Variants in FHIT observed in about 807,000 individuals in gnomAD.
The protein encoded by FHIT is fragile histidine triad diadenosine triphosphatase.
FHIT carries 19 observed loss-of-function variants against 17.9 expected under a neutral mutation model. That is an observed-to-expected ratio of 1.06 (90% CI 0.74 to 1.56). The LOEUF is 1.56. FHIT is among the 40% of genes most tolerant of loss of function. The probability of loss-of-function intolerance (pLI) is 0.00; values close to 1 mark genes in which losing one functional copy is unlikely to be tolerated. For synonymous variants in FHIT, 81 were observed against 69.7 expected (o/e 1.16, Z -0.81); for missense variants, 248 against 189.2 (o/e 1.31, Z -1.82).
intron 4 of FHIT, among the ~76,000 whole-genome samples, chr3:60,626,167 T>G (rs1189921233): frequency 6.6e-6 from 1 of 152,160 alleles, no homozygotes; most frequent in Non-Finnish European, 1.5e-5. Context: ...ATCCTCCAAG[T>G]TCGCACTTTT....
intron 5 of FHIT, among the ~76,000 whole-genome samples, chr3:60,119,625 TA>T (rs941530898): frequency 2.0e-5 from 3 of 152,120 alleles, no homozygotes; most frequent in African/African-American, 7.2e-5. Context: ...TCGTGTCGGG[TA>T]AGGAAATCAA....
chr3:59,933,570 G>A (rs1049703558), intron 7 of FHIT, among the ~76,000 whole-genome samples: 2 of 152,140 alleles, frequency 1.3e-5, no homozygotes, highest in Non-Finnish European at 2.9e-5. Flanking sequence ...TTCTAAGTCA[G>A]GTTGATAGGA....
At chr3:60,770,431 C>T (rs1212013742) in intron 4 of FHIT, among the ~76,000 whole-genome samples, 3 of 152,144 alleles carry the variant, frequency 2.0e-5, no homozygotes, top group African/African-American at 7.2e-5. Flanking sequence ...TTTCAGAAAA[C>T]TCATATCCTT....
At chr3:60,669,909 T>G (rs2107840547) in intron 4 of FHIT, among the ~76,000 whole-genome samples, 1 of 152,332 alleles carries the variant, frequency 6.6e-6, no homozygotes, top group Admixed American at 6.5e-5. Flanking sequence ...GACCTCCCAT[T>G]TAACCATTGT....
intron 5 of FHIT, among the ~76,000 whole-genome samples, chr3:60,126,052 G>A (rs1192856577): frequency 6.6e-6 from 1 of 152,044 alleles, no homozygotes; most frequent in Non-Finnish European, 1.5e-5. Flanking sequence ...CTGCAAGTTG[G>A]CCAGTGAGGG....
At chr3:60,284,250 G>A (rs573183784) in intron 5 of FHIT, among the ~76,000 whole-genome samples, 4 of 152,142 alleles carry the variant, frequency 2.6e-5, no homozygotes, top group South Asian at 2.1e-4. Flanking sequence ...TTTAAGAATC[G>A]TAACAGTACA....
chr3:60,463,214 T>C (rs2032581603), intron 5 of FHIT, among the ~76,000 whole-genome samples: 1 of 152,258 alleles, frequency 6.6e-6, no homozygotes, highest in Non-Finnish European at 1.5e-5. Context: ...ACTTAGGTGT[T>C]ATTTCATGTA....
At chr3:60,442,898 C>T (rs1425553012) in intron 5 of FHIT, among the ~76,000 whole-genome samples, 2 of 152,088 alleles carry the variant, frequency 1.3e-5, no homozygotes, top group Non-Finnish European at 2.9e-5. Flanking sequence ...ATTCTTCCTA[C>T]CCATGAGCAT....
In FHIT at chr3:60,362,614, G is replaced by C. The variant is rs562684271; in HGVS notation, c.103+174246C>G. On this transcript the variant is annotated intron_variant, in intron 5 of 9. Coordinates refer to ENST00000492590, the MANE Select transcript of FHIT (RefSeq NM_002012.4). The stretch of plus-strand genomic sequence containing the variant: ...TAAATCATCAACATGAGAAACATGA[G>C]ATACATTTTTATCATGTACATGAGA... Among the ~76,000 whole-genome samples the C allele has an allele frequency of 4.9e-3, 753 of 152,278 alleles. 4 individuals carry two copies. Among genetic ancestry groups the C allele is most frequent in the South Asian group, 0.017 (81 of 4,832 alleles).
At chr3:60,156,629 G>A (rs1347656462) in intron 5 of FHIT, among the ~76,000 whole-genome samples, 5 of 152,034 alleles carry the variant, frequency 3.3e-5, no homozygotes, top group Admixed American at 3.3e-4. Flanking sequence ...GTGAGCACCT[G>A]TAGTCCCATC....
At chr3:60,219,731 C>T (rs1383856267) in intron 5 of FHIT, among the ~76,000 whole-genome samples, 1 of 152,106 alleles carries the variant, frequency 6.6e-6, no homozygotes, top group East Asian at 1.9e-4. Context: ...CTCCTCACTC[C>T]ATTTCTTCTT....
In FHIT at chr3:60,438,320, C is replaced by G. The variant is rs140135721; in HGVS notation, c.103+98540G>C. 5.3e-5 allele frequency among the ~76,000 whole-genome samples: 8 copies of G among 152,150 alleles called. No homozygotes were observed. The East Asian group carries it at 1.6e-3, about 30-fold the overall frequency. On this transcript the variant is annotated intron_variant, in intron 5 of 9. Coordinates refer to ENST00000492590, the MANE Select transcript of FHIT (RefSeq NM_002012.4). ...CATGTGGCACATGGACAAGCATGTA[C>G]AGCTACTGCACATGTGCGTCCAGAC...
chr3:60,458,494 T>C (rs1354223200), intron 5 of FHIT, among the ~76,000 whole-genome samples: 2 of 151,416 alleles, frequency 1.3e-5, no homozygotes, highest in African/African-American at 2.4e-5. Context: ...TGTTAAATGA[T>C]GAGTTAATGG....
At chr3:60,541,860 T>C (rs956176964) in intron 4 of FHIT, among the ~76,000 whole-genome samples, 3 of 152,226 alleles carry the variant, frequency 2.0e-5, no homozygotes, top group African/African-American at 7.2e-5. Context: ...GATAATGGAA[T>C]AGAATTGACT....
At chr3:60,054,411 T>G (rs1330611112) in intron 5 of FHIT, among the ~76,000 whole-genome samples, 1 of 152,206 alleles carries the variant, frequency 6.6e-6, no homozygotes, top group Non-Finnish European at 1.5e-5. Flanking sequence ...TAGCTTCTAC[T>G]GACAAATGTA....
intron 5 of FHIT, among the ~76,000 whole-genome samples, chr3:60,272,331 A>G (rs536105754): frequency 2.6e-5 from 4 of 152,338 alleles, no homozygotes; most frequent in African/African-American, 9.6e-5. Context: ...AGAGAAATGG[A>G]AGGTTGCATA....
chr3:61,009,711 G>A (rs2031680090), intron 3 of FHIT, among the ~76,000 whole-genome samples: 1 of 151,870 alleles, frequency 6.6e-6, no homozygotes, highest in South Asian at 2.1e-4. Flanking sequence ...CAAGATTAAC[G>A]ATTAATTCAT....
intron 5 of FHIT, among the ~76,000 whole-genome samples, chr3:60,354,608 G>A (rs932810793): frequency 2.7e-5 from 4 of 147,474 alleles, no homozygotes; most frequent in Non-Finnish European, 6.1e-5. Flanking sequence ...ATATTTTAGT[G>A]TTATTGAGAG....
intron 8 of FHIT, among the ~76,000 whole-genome samples, chr3:59,752,641 C>G (rs1700981902): frequency 6.6e-6 from 1 of 152,128 alleles, no homozygotes; most frequent in African/African-American, 2.4e-5. Context: ...TGGCAAGTGA[C>G]TGGACCATCA....
Sources: gnomAD v4.1 joint callset for allele counts (sites outside exome capture counted in the v4.1 genomes callset) on GRCh38, gnomAD v4.1.1 for gene constraint, MANE v1.5 for transcripts, NCBI Gene and HGNC (gene_info 2026-07-23, HGNC 2026-07-21) for gene names.